Variants in MEGF10 observed in about 807,000 individuals in gnomAD.
MEGF10 encodes the protein multiple EGF like domains 10, also known as multiple epidermal growth factor-like domains protein 10.
MEGF10 carries 86 observed loss-of-function variants against 147.5 expected under a neutral mutation model. The observed-to-expected ratio is 0.58, with a 90% confidence interval of 0.49 to 0.70. The LOEUF (loss-of-function observed/expected upper bound fraction) is 0.70. Among genes scored for constraint, MEGF10 ranks in the 30% least tolerant of loss-of-function variants. The probability of loss-of-function intolerance (pLI) is 0.00; values close to 1 mark genes in which losing one functional copy is unlikely to be tolerated. For missense variants in MEGF10, 1,329 were observed against 1,487.3 expected (o/e 0.89, Z 1.75); for synonymous variants, 478 against 525.5 (o/e 0.91, Z 1.24).
the MEGF10 span, among the ~76,000 whole-genome samples, chr5:127,231,188 A>G: frequency 6.6e-6 from 1 of 152,148 alleles, no homozygotes; most frequent in African/African-American, 2.4e-5. Flanking sequence ...AGTCATCGTG[A>G]TGTTTACAAA....
chr5:127,376,216 GAGTT>G (rs1763020625), intron 5 of MEGF10, among the ~76,000 whole-genome samples: 1 of 152,180 alleles, frequency 6.6e-6, no homozygotes, highest in East Asian at 1.9e-4. Context: ...AAGAAATAGA[GAGTT>G]AGTAAGAAGT....
intron 5 of MEGF10, among the ~76,000 whole-genome samples, chr5:127,373,430 G>A (rs897604745): frequency 6.6e-6 from 1 of 152,194 alleles, no homozygotes; most frequent in African/African-American, 2.4e-5. Flanking sequence ...GGGATTACAG[G>A]TGTGAGCCAC....
At chr5:127,306,188 C>T (rs149881207) in intron 1 of MEGF10, among the ~76,000 whole-genome samples, 105 of 152,286 alleles carry the variant, frequency 6.9e-4, no homozygotes, top group Admixed American at 3.9e-3. Flanking sequence ...ATTAGGGCCC[C>T]GGTGCCGTGT....
chr5:127,436,646 T>C lies in MEGF10; in HGVS notation c.2104+1157T>C, dbSNP rs35535. Among the ~76,000 whole-genome samples, 737 of 152,348 alleles carry C rather than the reference T, an allele frequency of 4.8e-3. 3 individuals carry two copies. Among genetic ancestry groups the C allele is most frequent in the South Asian group, 0.019 (91 of 4,830 alleles). Reference sequence around the variant, plus strand: ...AAGTAGTCTTTATTTTGGAAATTTGTCCCTTCCTCATTTGGAGGAGGAATG... The same window carrying C: ...AAGTAGTCTTTATTTTGGAAATTTGCCCCTTCCTCATTTGGAGGAGGAATG... On this transcript the variant is annotated intron_variant, in intron 16 of 24. Transcript: ENST00000503335.
chr5:127,347,800 A>G (rs1264609271), intron 4 of MEGF10, among the ~76,000 whole-genome samples: 2 of 152,110 alleles, frequency 1.3e-5, no homozygotes, highest in African/African-American at 4.8e-5. Context: ...ACCTAGGTTC[A>G]AATCCCAAAG....
Position 127,406,904 on chromosome 5 carries a change from G to A in MEGF10, c.918-3485G>A, listed in dbSNP as rs370317007. Among the ~76,000 whole-genome samples, 361 of 152,262 alleles carry A rather than the reference G, an allele frequency of 2.4e-3. 3 individuals are homozygous for A. The highest frequency in any genetic ancestry group is 0.01 in the Middle Eastern group (3 of 294). ...GCCGTAGGATCACTCTGGGCCCTGC[G>A]ACAGCCTATTAGGGGCCCATGCACA... On this transcript the variant is annotated intron_variant, in intron 8 of 24. Transcript: ENST00000503335.
At chr5:127,454,447 G>T in intron 22 of MEGF10, 119 bp from the exon 23 acceptor site, 1 of 774,512 alleles carries the variant, frequency 1.3e-6, no homozygotes, top group South Asian at 1.9e-5. Context: ...AAGGCTTGAA[G>T]AGCAGCAGCC....
intron 1 of MEGF10, among the ~76,000 whole-genome samples, chr5:127,300,610 T>A (rs79264671): frequency 0.015 from 2,242 of 152,298 alleles, 63 homozygotes; most frequent in East Asian, 0.11. Flanking sequence ...TTTTTCTGTC[T>A]GCATTTTACA....
chr5:127,341,929 G>A (rs1034601631), intron 4 of MEGF10, among the ~76,000 whole-genome samples: 7 of 152,094 alleles, frequency 4.6e-5, no homozygotes, highest in African/African-American at 1.7e-4. Flanking sequence ...CCTTCATTAA[G>A]TAAAGATAAA....
At chr5:127,272,703 G>A in the MEGF10 span, among the ~76,000 whole-genome samples, 15 of 152,274 alleles carry the variant, frequency 9.9e-5, no homozygotes, top group East Asian at 1.5e-3. Context: ...GTGAATGGAA[G>A]TTCATTCATG....
intron 5 of MEGF10, among the ~76,000 whole-genome samples, chr5:127,385,749 C>T (rs1025136407): frequency 3.9e-5 from 6 of 152,062 alleles, no homozygotes; most frequent in Admixed American, 3.9e-4. Context: ...AGTTCTTGAC[C>T]CCTATGTAAT....
intron 1 of MEGF10, among the ~76,000 whole-genome samples, chr5:127,313,271 T>C (rs1050649990): frequency 1.3e-5 from 2 of 152,210 alleles, no homozygotes; most frequent in Non-Finnish European, 2.9e-5. Flanking sequence ...TCTAATTCCA[T>C]GTAGCCATAG....
chr5:127,246,047 C>T, the MEGF10 span, among the ~76,000 whole-genome samples: 84 of 152,198 alleles, frequency 5.5e-4, no homozygotes, highest in Admixed American at 1.2e-3. Flanking sequence ...GACAATGTGG[C>T]GATTCCTCAA....
chr5:127,373,253 G>A (rs1381301311), intron 5 of MEGF10, among the ~76,000 whole-genome samples: 1 of 152,128 alleles, frequency 6.6e-6, no homozygotes, highest in East Asian at 1.9e-4. Flanking sequence ...CTGGGTTCAA[G>A]CAATTCTCAT....
Position 127,314,543 on chromosome 5 carries a change from G to C in MEGF10, c.-18-16748G>C, listed in dbSNP as rs149154277. ...AAAAGACTAGAGAATTTTTACTTAT[G>C]TCCTGAACACACTGTTAAGTAGATC... On this transcript the variant is annotated intron_variant, in intron 1 of 24. Coordinates refer to ENST00000503335, the MANE Select transcript of MEGF10 (RefSeq NM_001256545.2). Among the ~76,000 whole-genome samples, 667 of 152,278 alleles carry C rather than the reference G, an allele frequency of 4.4e-3. 5 individuals are homozygous for C. Among genetic ancestry groups the C allele is most frequent in the African/African-American group, 0.015 (629 of 41,556 alleles).
At chr5:127,438,807 G>C (rs914750115) in intron 17 of MEGF10, among the ~76,000 whole-genome samples, 2 of 152,292 alleles carry the variant, frequency 1.3e-5, no homozygotes, top group East Asian at 1.9e-4. Context: ...ATGGTATGCA[G>C]TTTATTTCTC....
At chr5:127,307,104 A>G (rs1760048277) in intron 1 of MEGF10, among the ~76,000 whole-genome samples, 1 of 152,170 alleles carries the variant, frequency 6.6e-6, no homozygotes, top group African/African-American at 2.4e-5. Context: ...GAGTGAAAGG[A>G]GCACGCTTCT....
the MEGF10 span, among the ~76,000 whole-genome samples, chr5:127,264,387 T>A: frequency 0.015 from 2,276 of 152,250 alleles, 186 homozygotes; most frequent in East Asian, 0.22. Flanking sequence ...CTTTTGATTG[T>A]TACATTTTGA....
intron 5 of MEGF10, among the ~76,000 whole-genome samples, chr5:127,377,883 T>G (rs1358100004): frequency 6.6e-6 from 1 of 152,152 alleles, no homozygotes; most frequent in East Asian, 1.9e-4. Context: ...GCAGCAAGAA[T>G]AAGAGTAGAT....
Sources: gnomAD v4.1 joint callset for allele counts (sites outside exome capture counted in the v4.1 genomes callset) on GRCh38, gnomAD v4.1.1 for gene constraint, MANE v1.5 for transcripts, NCBI Gene and HGNC (gene_info 2026-07-23, HGNC 2026-07-21) for gene names.